Variants in AIMP1 observed in about 807,000 individuals in gnomAD.
The protein encoded by AIMP1 is aminoacyl tRNA synthase complex-interacting multifunctional protein 1.
In AIMP1, 24 loss-of-function variants were observed where a neutral mutation model predicts 33.1. That is an observed-to-expected ratio of 0.73 (90% CI 0.53 to 1.02). The LOEUF is 1.02. Among genes scored for constraint, AIMP1 ranks in the 50% least tolerant of loss-of-function variants. The probability of loss-of-function intolerance (pLI) is 0.00; values close to 1 mark genes in which losing one functional copy is unlikely to be tolerated. For missense variants in AIMP1, 367 were observed against 364.8 expected (o/e 1.01, Z -0.05); for synonymous variants, 120 against 121.5 (o/e 0.99, Z 0.08).
rs779445809 is a variant in AIMP1, at chr4:106,347,551, T to C, written c.798T>C (p.Pro266=). 9.3e-6 allele frequency: 15 copies of C among 1,613,124 alleles called. No individual in the cohort carries two copies. In the East Asian group the frequency reaches 1.1e-4, roughly 12 times the overall value. ...GAGAGCCTGACAAGGAGCTGAATCC[T>C]AAGAAGAAGATTTGGGAGCAGATCC... is the stretch of plus-strand genomic sequence containing the variant. ...FPGEPDKELN[P]KKKIWEQIQP... Residue 266 remains proline, a synonymous_variant, in exon 7 of 7, where the codon CCT becomes CCC. Coordinates refer to ENST00000672341, the MANE Select transcript of AIMP1 (RefSeq NM_001142416.2).
At position 106,316,699 on chromosome 4, in the gene AIMP1, G is replaced by C. The variant is rs528139869; in HGVS notation, c.-26+105G>C. 65 of 1,115,500 alleles carry C rather than the reference G, an allele frequency of 5.8e-5. No homozygotes were observed. The East Asian group carries it at 1.5e-3, about 25-fold the overall frequency. 69.1% of individuals were successfully genotyped at this position (1,115,500 alleles called of 1,614,324 possible). ...CAGGAGAGAGGACCTGGCCTGCGCT[G>C]CTAATGGGTAGTCCGTTCGCAGCAG... On this transcript the variant is annotated intron_variant, in intron 1 of 6. Coordinates refer to ENST00000672341, the MANE Select transcript of AIMP1 (RefSeq NM_001142416.2).
intron 1 of AIMP1, among the ~76,000 whole-genome samples, chr4:106,324,772 A>G (rs551769283): frequency 4.6e-5 from 7 of 152,200 alleles, no homozygotes; most frequent in African/African-American, 1.7e-4. Context: ...AGAACAAACT[A>G]TATTTCCTCT....
chr4:106,338,265 A>G (rs1769965583), intron 6 of AIMP1, among the ~76,000 whole-genome samples: 1 of 152,236 alleles, frequency 6.6e-6, no homozygotes. Flanking sequence ...CCAAATGTTA[A>G]TTGCCAAGAC....
intron 2 of AIMP1, 141 bp from the exon 3 acceptor site, chr4:106,327,310 A>G (rs1226020372): frequency 1.8e-5 from 11 of 611,698 alleles, no homozygotes; most frequent in Non-Finnish European, 3.0e-5. Context: ...TTAAACTGGC[A>G]TAAAGGCACT....
intron 1 of AIMP1, among the ~76,000 whole-genome samples, chr4:106,320,871 C>A (rs558670185): frequency 3.9e-5 from 6 of 152,118 alleles, no homozygotes; most frequent in Non-Finnish European, 8.8e-5. Flanking sequence ...CTCAGTCTGC[C>A]GAGTTCCTGG....
intron 4 of AIMP1, among the ~76,000 whole-genome samples, chr4:106,328,692 T>A (rs2125922530): frequency 6.6e-6 from 1 of 152,286 alleles, no homozygotes; most frequent in Admixed American, 6.5e-5. Context: ...GATAGAAATG[T>A]CACCATCCAC....
chr4:106,318,238 C>G (rs1769060087), intron 1 of AIMP1, among the ~76,000 whole-genome samples: 1 of 152,148 alleles, frequency 6.6e-6, no homozygotes, highest in South Asian at 2.1e-4. Flanking sequence ...GGTTGCTGCG[C>G]TTACATATTT....
chr4:106,319,364 T>G (rs1398995554), intron 1 of AIMP1, among the ~76,000 whole-genome samples: 1 of 151,520 alleles, frequency 6.6e-6, no homozygotes, highest in African/African-American at 2.4e-5. Context: ...AATCATCTTT[T>G]GTGTGTGTAT....
At chr4:106,340,609 A>G (rs1397397346) in intron 6 of AIMP1, among the ~76,000 whole-genome samples, 1 of 152,168 alleles carries the variant, frequency 6.6e-6, no homozygotes, top group South Asian at 2.1e-4. Flanking sequence ...ATTTTGCTGC[A>G]AAGGATATTA....
chr4:106,331,844 A>T lies in AIMP1; in HGVS notation c.564A>T (p.Thr188=), dbSNP rs765762971. ...ATGTCGGAGAAATAGCCCCAAGGAC[A>T]GTTGTCAGTGGCCTGGTGAATCATG... ...EVDVGEIAPR[T]VVSGLVNHVP... is the part of the protein sequence containing the mutation. The change falls in exon 5 of 7, where the codon ACA becomes ACT. Residue 188 remains threonine (T), a synonymous_variant. Transcript: ENST00000672341. 8 of 1,614,014 alleles carry T rather than the reference A, an allele frequency of 5.0e-6. No individual in the cohort carries two copies. In the Admixed American group the frequency reaches 1.0e-4, roughly 20 times the overall value.
chr4:106,343,897 A>G (rs1770193919), intron 6 of AIMP1, among the ~76,000 whole-genome samples: 1 of 152,224 alleles, frequency 6.6e-6, no homozygotes, highest in South Asian at 2.1e-4. Context: ...ATAGATAATT[A>G]TGAAGCATAG....
chr4:106,339,005 G>C (rs959506224), intron 6 of AIMP1, among the ~76,000 whole-genome samples: 15 of 152,212 alleles, frequency 9.9e-5, no homozygotes, highest in African/African-American at 3.4e-4. Context: ...CTTGCATGGG[G>C]CCTATGGGCC....
chr4:106,343,541 T>C (rs532094451), intron 6 of AIMP1, among the ~76,000 whole-genome samples: 7 of 152,318 alleles, frequency 4.6e-5, no homozygotes, highest in African/African-American at 1.7e-4. Flanking sequence ...TACCCATGAC[T>C]TTGAATGAAT....
chr4:106,317,178 A>G (rs1045198158), intron 1 of AIMP1, among the ~76,000 whole-genome samples: 4 of 152,226 alleles, frequency 2.6e-5, no homozygotes, highest in Non-Finnish European at 5.9e-5. Context: ...ATGACTTTTA[A>G]GTAAAGGGCT....
rs751836798 is a variant in AIMP1, at chr4:106,328,210, G to A, written c.358G>A (p.Glu120Lys). The A allele has an allele frequency of 6.8e-6, 11 of 1,611,342 alleles. No individual in the cohort carries two copies. Among genetic ancestry groups the A allele is most frequent in the Admixed American group, 3.3e-5 (2 of 59,868 alleles). Residue 120 changes from glutamate to lysine, a missense_variant, in exon 4 of 7, where the codon GAA (glutamate) becomes AAA (lysine). Physicochemically the swap from Glu to Lys is moderately conservative, Grantham distance 56 (BLOSUM62 1). Coordinates refer to ENST00000672341, the MANE Select transcript of AIMP1 (RefSeq NM_001142416.2). ...ACAGATAAAAGGAGGAACAGGAGAC[G>A]AAAAGAAAGCGAAAGAGAAAATTGA... ...KEQIKGGTGD[E>K]KKAKEKIEKK...
intron 6 of AIMP1, among the ~76,000 whole-genome samples, chr4:106,344,272 C>A (rs1009671864): frequency 2.6e-5 from 4 of 152,080 alleles, no homozygotes; most frequent in Non-Finnish European, 5.9e-5. Context: ...CTTAGATAAG[C>A]TAGATAGCTG....
chr4:106,325,163 C>T, intron 2 of AIMP1, 45 bp downstream of exon 2: 1 of 1,500,034 alleles, frequency 6.7e-7, no homozygotes, highest in Non-Finnish European at 9.2e-7. Flanking sequence ...AAAATGAATT[C>T]ATACATTGAT....
chr4:106,320,652 G>A (rs938407561), intron 1 of AIMP1, among the ~76,000 whole-genome samples: 3 of 147,850 alleles, frequency 2.0e-5, no homozygotes, highest in Non-Finnish European at 4.6e-5. Context: ...TCATTAATGG[G>A]ACAGATTAAA....
intron 4 of AIMP1, among the ~76,000 whole-genome samples, chr4:106,329,916 G>A (rs1226412642): frequency 1.3e-5 from 2 of 151,348 alleles, no homozygotes; most frequent in Non-Finnish European, 2.9e-5. Context: ...CCAAGTAGCT[G>A]GGACTACAGG....
Sources: gnomAD v4.1 joint callset for allele counts (sites outside exome capture counted in the v4.1 genomes callset) on GRCh38, gnomAD v4.1.1 for gene constraint, MANE v1.5 for transcripts, NCBI Gene and HGNC (gene_info 2026-07-23, HGNC 2026-07-21) for gene names.